The following AMZ1 variants were observed in gnomAD, a reference collection of about 807,000 sequenced individuals.
The protein encoded by AMZ1 is archaelysin family metallopeptidase 1, also known as archaemetzincin-1.
In AMZ1, 39 loss-of-function variants were observed where a neutral mutation model predicts 29.9. The ratio of observed to expected loss-of-function variants is 1.30; its 90% confidence interval spans 1.01 to 1.70. The LOEUF (loss-of-function observed/expected upper bound fraction) is 1.70, where lower values mean the gene tolerates loss of function less well. Among genes scored for constraint, AMZ1 ranks in the 40% most tolerant of loss-of-function variants. AMZ1 has a pLI of 0.00. For missense variants in AMZ1, 1,041 were observed against 680.6 expected (o/e 1.53, Z -5.89); for synonymous variants, 458 against 304.0 (o/e 1.51, Z -5.27).
downstream of AMZ1, among the ~76,000 whole-genome samples, chr7:2,721,519 A>G (rs10480003): frequency 0.46 from 70,013 of 151,984 alleles, 16,596 homozygotes; most frequent in African/African-American, 0.55. Context: ...GATCGAGACC[A>G]TCCTCGCTAA....
At chr7:2,736,276 C>T (rs1037018414) in intron 4 of AMZ1, among the ~76,000 whole-genome samples, 1 of 152,188 alleles carries the variant, frequency 6.6e-6, no homozygotes. Flanking sequence ...TGCGGTCACA[C>T]GATCTAGAAA....
chr7:2,759,312 A>G (rs1791450402), intron 4 of AMZ1, among the ~76,000 whole-genome samples: 1 of 152,224 alleles, frequency 6.6e-6, no homozygotes, highest in South Asian at 2.1e-4. Flanking sequence ...ACAAAGCGCT[A>G]GCTGTAAGAA....
At chr7:2,744,885 G>C (rs969255797) in intron 4 of AMZ1, among the ~76,000 whole-genome samples, 1 of 152,172 alleles carries the variant, frequency 6.6e-6, no homozygotes, top group Non-Finnish European at 1.5e-5. Flanking sequence ...GAAGCCTCAG[G>C]AGCCGATGCG....
intron 1 of AMZ1, among the ~76,000 whole-genome samples, chr7:2,689,070 C>T (rs750698440): frequency 1.3e-5 from 2 of 152,226 alleles, no homozygotes; most frequent in African/African-American, 4.8e-5. Flanking sequence ...GGTTTTCCCT[C>T]CTAGCGAATG....
chr7:2,741,696 C>T (rs1212123149), intron 4 of AMZ1, among the ~76,000 whole-genome samples: 1 of 152,038 alleles, frequency 6.6e-6, no homozygotes, highest in Non-Finnish European at 1.5e-5. Flanking sequence ...TCTTTCAATA[C>T]ACAGACTTTT....
In AMZ1 at chr7:2,737,280, TTTTTTTTTG is replaced by T. The variant is rs576459564; in HGVS notation, n.551-27423_551-27415del. On this transcript the variant is annotated intron_variant and non_coding_transcript_variant, in intron 4 of 4. Coordinates refer to the AMZ1 transcript ENST00000489665. ...TATCTCACAGTTTTGTTTTGTTTTT[TTTTTTTTTG>T]TTTTTTTTTTTTTTTTTGAGATGGA... 8.9e-3 allele frequency among the ~76,000 whole-genome samples: 566 copies of T among 63,296 alleles called. 32 individuals carry two copies. Among genetic ancestry groups the T allele is most frequent in the African/African-American group, 0.03 (460 of 15,162 alleles). 41.5% of individuals were successfully genotyped at this position (63,296 alleles called of 152,430 possible).
upstream of AMZ1, among the ~76,000 whole-genome samples, chr7:2,685,157 C>T (rs572077214): frequency 4.6e-5 from 7 of 152,014 alleles, no homozygotes; most frequent in Non-Finnish European, 1.0e-4. Flanking sequence ...GTTGAGCCGC[C>T]GCGCCCGGCC....
In AMZ1 at chr7:2,714,499, G is replaced by A. The variant is rs1789004553; in HGVS notation, c.*1621G>A. The A allele has an allele frequency of 6.6e-6, 1 of 152,390 alleles. No individual in the cohort carries two copies. The highest frequency in any genetic ancestry group is 6.5e-5 in the Admixed American group (1 of 15,282). The allele number at this position is 152,390 out of a possible 1,614,324, so 9.4% of individuals were successfully genotyped here. ...TCAAAAAGGCGTAACAGTGACCTGGGAGGGGAGATGAAGAGCTAGGCCTTT... is the reference window on the plus strand; with the variant it reads ...TCAAAAAGGCGTAACAGTGACCTGGAAGGGGAGATGAAGAGCTAGGCCTTT... On this transcript the variant is annotated 3_prime_UTR_variant, in exon 7 of 7. Transcript: ENST00000683327.
rs781540298 is a variant in AMZ1, at chr7:2,747,649, T to C, written n.551-17063T>C. Among the ~76,000 whole-genome samples, 230 of 152,250 alleles carry C rather than the reference T, an allele frequency of 1.5e-3. 2 individuals are homozygous for C. Among genetic ancestry groups the C allele is most frequent in the Non-Finnish European group, 8.1e-4 (55 of 68,024 alleles). On this transcript the variant is annotated intron_variant and non_coding_transcript_variant, in intron 4 of 4. Transcript: ENST00000489665. Reference sequence around the variant, plus strand: ...CCTCTCTCACCACTCCTATTCAATATAGTGTTGGAAGTCCTAGGCAGGGCA... The same window carrying C: ...CCTCTCTCACCACTCCTATTCAATACAGTGTTGGAAGTCCTAGGCAGGGCA...
At chr7:2,698,952 C>G (rs549302123) in intron 1 of AMZ1, among the ~76,000 whole-genome samples, 120 of 152,284 alleles carry the variant, frequency 7.9e-4, no homozygotes, top group African/African-American at 2.7e-3. Flanking sequence ...CGGTCGCAGA[C>G]AAGTGGGTTT....
intron 3 of AMZ1, among the ~76,000 whole-genome samples, chr7:2,706,843 A>G (rs529803544): frequency 2.1e-5 from 3 of 139,880 alleles, no homozygotes; most frequent in African/African-American, 3.3e-5. Context: ...TCATCACCTC[A>G]TTAGCATCAT....
At chr7:2,708,554 C>T in intron 3 of AMZ1, 34 bp from the exon 4 acceptor site, 8 of 1,609,972 alleles carry the variant, frequency 5.0e-6, no homozygotes, top group Middle Eastern at 1.7e-4. Context: ...CCCCGGCTGC[C>T]TCCTGACCCC....
chr7:2,751,315 C>T lies in AMZ1; in HGVS notation n.551-13397C>T, dbSNP rs111657571. On this transcript the variant is annotated intron_variant and non_coding_transcript_variant, in intron 4 of 4. Transcript: ENST00000489665. ...CTGAGGTGGGAGGATCACTTCAACC[C>T]AGAAGGCCGAGGCTGCAGTGAGCCA... Among the ~76,000 whole-genome samples the T allele has an allele frequency of 4.9e-3, 741 of 150,642 alleles. 4 individuals carry two copies. Among genetic ancestry groups the T allele is most frequent in the African/African-American group, 0.017 (679 of 40,948 alleles).
upstream of AMZ1, among the ~76,000 whole-genome samples, chr7:2,686,808 G>A (rs543505760): frequency 2.0e-4 from 30 of 151,550 alleles, no homozygotes; most frequent in Middle Eastern, 3.4e-3. Context: ...TCCGCCTCCC[G>A]GGTTCAAGTG....
intron 4 of AMZ1, among the ~76,000 whole-genome samples, chr7:2,732,632 A>C (rs114294203): frequency 0.011 from 1,693 of 152,304 alleles, 34 homozygotes; most frequent in African/African-American, 0.038. Flanking sequence ...CTTCTTGCCA[A>C]AACACCAAAC....
rs1790126477 is a variant in AMZ1, at chr7:2,735,551, G to A, written n.550+25735G>A. Among the ~76,000 whole-genome samples, 3 of 152,180 alleles carry A rather than the reference G, an allele frequency of 2.0e-5. No individual in the cohort carries two copies. In the South Asian group the frequency reaches 6.2e-4, roughly 32 times the overall value. ...TCGATGGGAAGCAGAAAACAGGAGGGACGTTTCCCTCGGTGTGAGTCTAAA... is the reference window on the plus strand; with the variant it reads ...TCGATGGGAAGCAGAAAACAGGAGGAACGTTTCCCTCGGTGTGAGTCTAAA... On this transcript the variant is annotated intron_variant and non_coding_transcript_variant, in intron 4 of 4. Transcript: ENST00000489665.
intron 3 of AMZ1, 34 bp downstream of exon 3, chr7:2,702,923 G>C: frequency 6.5e-7 from 1 of 1,549,514 alleles, no homozygotes; most frequent in Non-Finnish European, 8.6e-7. Context: ...CTCAGGCCAA[G>C]GCAGGCCCCT....
upstream of AMZ1, among the ~76,000 whole-genome samples, chr7:2,685,043 G>C (rs1464223276): frequency 1.3e-5 from 2 of 151,466 alleles, no homozygotes; most frequent in Non-Finnish European, 2.9e-5. Flanking sequence ...CTAATTTTTT[G>C]TATCTTTAGT....
chr7:2,733,558 C>A, intron 4 of AMZ1: 7 of 1,374,674 alleles, frequency 5.1e-6, no homozygotes, highest in Non-Finnish European at 6.2e-6. Context: ...CCTGATGTGG[C>A]AAATACAAGA....
Sources: gnomAD v4.1 joint callset for allele counts (sites outside exome capture counted in the v4.1 genomes callset) on GRCh38, gnomAD v4.1.1 for gene constraint, MANE v1.5 for transcripts, NCBI Gene and HGNC (gene_info 2026-07-23, HGNC 2026-07-21) for gene names.